SPEN: variants seen among roughly 807,000 people sequenced by gnomAD.
SPEN encodes spen family transcriptional repressor, also known as msx2-interacting protein.
In SPEN, 18 loss-of-function variants were observed where a neutral mutation model predicts 269.9. That is an observed-to-expected ratio of 0.07 (90% CI 0.05 to 0.10). The LOEUF (loss-of-function observed/expected upper bound fraction) is 0.10, where lower values mean the gene tolerates loss of function less well. SPEN is among the 10% of genes least tolerant of loss of function. SPEN has a pLI of 1.00. For missense variants in SPEN, 3,822 were observed against 4,631.2 expected, an observed-to-expected ratio of 0.83 and a Z score of 5.07; for synonymous variants, 1,726 against 1,765.7, an observed-to-expected ratio of 0.98 and a Z score of 0.56.
In SPEN at chr1:15,933,613, C is replaced by T. The variant is rs779468158; in HGVS notation, c.7373C>T (p.Pro2458Leu). ...FRVHSIIESD[P>L]VTPPSDPSIP... Reference sequence around the variant, plus strand: ...GTGCATTCCATCATTGAAAGTGACCCGGTGACCCCACCCAGCGATCCAAGC... The same window carrying T: ...GTGCATTCCATCATTGAAAGTGACCTGGTGACCCCACCCAGCGATCCAAGC... Residue 2458 changes from proline to leucine, a missense_variant, in exon 11 of 15, where the codon CCG becomes CTG. Physicochemically the swap from Pro to Leu is moderately conservative, Grantham distance 98 (BLOSUM62 -3). This residue lies in a region of SPEN where 727 missense variants were observed against 737.9 expected (regional missense o/e 0.99). Coordinates refer to ENST00000375759, the MANE Select transcript of SPEN (RefSeq NM_015001.3). The surrounding 1 kb of genome is among the most constrained non-coding windows in gnomAD (Gnocchi z 5.7). 3.1e-6 allele frequency: 5 copies of T among 1,614,040 alleles called. No individual in the cohort carries two copies. The highest frequency in any genetic ancestry group is 1.3e-5 in the African/African-American group (1 of 74,990).
At chr1:15,885,497 G>C (rs932093357) in intron 3 of SPEN, among the ~76,000 whole-genome samples, 8 of 152,172 alleles carry the variant, frequency 5.3e-5, no homozygotes, top group African/African-American at 1.7e-4. Context: ...ATGGACTCCT[G>C]TAAGAGCCAA....
At chr1:15,894,592 GTGCAGTGATGTGACCCTGGCTCAC>G (rs1366304788) in intron 3 of SPEN, among the ~76,000 whole-genome samples, 1 of 143,958 alleles carries the variant, frequency 6.9e-6, no homozygotes, top group Non-Finnish European at 1.5e-5. Flanking sequence ...CCAGGCTGGA[GTGCAGTGATGTGACCCTGGCTCAC>G]TGCAACCTCC....
intron 2 of SPEN, chr1:15,874,302 C>T: frequency 1.5e-6 from 2 of 1,366,436 alleles, no homozygotes; most frequent in Non-Finnish European, 2.0e-6. Flanking sequence ...GTGGATTACC[C>T]CCATAAGAGG....
At chr1:15,868,430 G>A (rs541064757) in intron 1 of SPEN, among the ~76,000 whole-genome samples, 66 of 149,946 alleles carry the variant, frequency 4.4e-4, no homozygotes, top group African/African-American at 1.6e-3. Context: ...TCTTTAGATA[G>A]AATAAAACTT....
chr1:15,878,529 T>C (rs900197527), intron 3 of SPEN, among the ~76,000 whole-genome samples: 4 of 152,224 alleles, frequency 2.6e-5, no homozygotes, highest in African/African-American at 9.6e-5. Flanking sequence ...TTGATTTTAT[T>C]TGGTGTGCTG....
At chr1:15,903,131 C>T (rs930726398) in intron 3 of SPEN, among the ~76,000 whole-genome samples, 1 of 152,158 alleles carries the variant, frequency 6.6e-6, no homozygotes, top group African/African-American at 2.4e-5. Flanking sequence ...TGGTAAGAGT[C>T]AAATGCTCAT....
At position 15,936,103 on chromosome 1, in the gene SPEN, T is replaced by G; in HGVS notation, c.9863T>G (p.Val3288Gly). 1.2e-6 allele frequency: 2 copies of G among 1,610,152 alleles called. No individual in the cohort carries two copies. The highest frequency in any genetic ancestry group is 8.5e-7 in the Non-Finnish European group (1 of 1,177,350). ...LQGLPLTPPV[V>G]VTHGVQIVHS... is the part of the protein sequence containing the mutation. ...GGGCTGCCTCTGACCCCTCCTGTGG[T>G]GGTGACCCATGGGGTGCAGATTGTG... The change falls in exon 11 of 15, where the codon GTG becomes GGG. Residue 3288 changes from valine (V) to glycine (G), a missense_variant. Physicochemically the swap from Val to Gly is moderately radical, Grantham distance 109. Transcript: ENST00000375759.
intron 10 of SPEN, among the ~76,000 whole-genome samples, chr1:15,927,010 A>G (rs17387101): frequency 0.025 from 3,762 of 152,312 alleles, 78 homozygotes; most frequent in Non-Finnish European, 0.036. Flanking sequence ...GTGTTCTTTC[A>G]GCGAGCTACT....
rs1341917774 is a variant in SPEN at position 15,866,009 on chromosome 1, AT to A, written c.84-6806del. Reference sequence around the variant, plus strand: ...TTGTAATTTTTATGTGGTTTGATTTATGTAGTCTTTTCCTTTATGGTTTAGG... The same window carrying A: ...TTGTAATTTTTATGTGGTTTGATTTAGTAGTCTTTTCCTTTATGGTTTAGG... On this transcript the variant is annotated intron_variant, in intron 1 of 14. Transcript: ENST00000375759. Among the ~76,000 whole-genome samples the A allele has an allele frequency of 2.6e-5, 4 of 151,428 alleles. No individual in the cohort carries two copies. The East Asian group carries it at 7.8e-4, about 29-fold the overall frequency.
In SPEN at chr1:15,930,522, A is replaced by G; in HGVS notation, c.4282A>G (p.Arg1428Gly). ...TGAAAGACTCTCTAGTTCTTTAGAA[A>G]GGAACAAATTTTACTCTTTTGCATT... is the stretch of plus-strand genomic sequence containing the variant. Reference protein sequence around the residue: ...RDERLSSSLERNKFYSFALDK... With the variant: ...RDERLSSSLEGNKFYSFALDK... The change falls in exon 11 of 15, where the codon AGG (arginine) becomes GGG (glycine). Residue 1428 changes from arginine to glycine, a missense_variant. This residue lies in a region of SPEN where 267 missense variants were observed against 315.5 expected (regional missense o/e 0.85). Coordinates refer to ENST00000375759, the MANE Select transcript of SPEN (RefSeq NM_015001.3). The surrounding 1 kb of genome is among the most constrained non-coding windows in gnomAD (Gnocchi z 5.3). 6 of 1,614,178 alleles carry G rather than the reference A, an allele frequency of 3.7e-6. No individual in the cohort carries two copies. The highest frequency in any genetic ancestry group is 5.1e-6 in the Non-Finnish European group (6 of 1,180,042).
chr1:15,848,260 C>A lies in SPEN; in HGVS notation c.83+110C>A. 1.5e-6 allele frequency: 1 copy of A among 655,012 alleles called. No homozygotes were observed. The highest frequency in any genetic ancestry group is 4.4e-5 in the South Asian group (1 of 22,626). 40.6% of individuals were successfully genotyped at this position (655,012 alleles called of 1,614,324 possible). ...GGAGCTGGTGAGGAGGACTCCGGCC[C>A]GGACCCACGGGCGCTGTGGGACCTC... On this transcript the variant is annotated intron_variant, in intron 1 of 14. Transcript: ENST00000375759. This position sits in a 1 kb window ranked among gnomAD's most constrained non-coding sequence, Gnocchi z 5.1.
At chr1:15,938,250 CGCACCACCATG>C (rs1164740602) in intron 13 of SPEN, among the ~76,000 whole-genome samples, 1 of 152,142 alleles carries the variant, frequency 6.6e-6, no homozygotes. Flanking sequence ...ATTATAGGCA[CGCACCACCATG>C]GCACCACCAT....
rs1557757985 is a variant in SPEN at position 15,928,193 on chromosome 1, A to T, written c.1953A>T (p.Pro651=). ...TYPEDSRRDY[P]ARGREFYSEW... Reference sequence around the variant, plus strand: ...CTGAGGATTCCAGGCGGGACTATCCAGCTCGAGGGAGAGAGTTTTATTCAG... The same window carrying T: ...CTGAGGATTCCAGGCGGGACTATCCTGCTCGAGGGAGAGAGTTTTATTCAG... The change falls in exon 11 of 15, where the codon CCA becomes CCT. Residue 651 remains proline (P), a synonymous_variant. Transcript: ENST00000375759. The surrounding 1 kb of genome is among the most constrained non-coding windows in gnomAD (Gnocchi z 5.7). The T allele has an allele frequency of 6.2e-7, 1 of 1,614,124 alleles. No homozygotes were observed. The highest frequency in any genetic ancestry group is 8.5e-7 in the Non-Finnish European group (1 of 1,180,056).
At chr1:15,883,111 T>A (rs2070703112) in intron 3 of SPEN, among the ~76,000 whole-genome samples, 1 of 152,238 alleles carries the variant, frequency 6.6e-6, no homozygotes, top group African/African-American at 2.4e-5. Flanking sequence ...AGCTGATTTT[T>A]AAAAAATGTA....
In SPEN at chr1:15,933,735, A is replaced by G. The variant is rs1180236829; in HGVS notation, c.7495A>G (p.Thr2499Ala). The part of the protein sequence containing the change: ...IPHQSPPTKV[T>A]EWITRQEEPR... ...ACACCAGAGCCCCCCTACTAAGGTGACAGAGTGGATCACAAGGCAGGAGGA... is the reference window on the plus strand; with the variant it reads ...ACACCAGAGCCCCCCTACTAAGGTGGCAGAGTGGATCACAAGGCAGGAGGA... Residue 2499 changes from threonine (T) to alanine (A), a missense_variant, in exon 11 of 15, where the codon ACA (threonine) becomes GCA (alanine). Physicochemically the swap from Thr to Ala is moderately conservative, Grantham distance 58. Around this residue, in one of 16 missense-constraint regions of SPEN, gnomAD observed 727 missense variants for 737.9 expected, o/e 0.99. Coordinates refer to ENST00000375759, the MANE Select transcript of SPEN (RefSeq NM_015001.3). This position sits in a 1 kb window ranked among gnomAD's most constrained non-coding sequence, Gnocchi z 5.7. The G allele has an allele frequency of 6.2e-7, 1 of 1,614,148 alleles. No individual in the cohort carries two copies. The highest frequency in any genetic ancestry group is 8.5e-7 in the Non-Finnish European group (1 of 1,180,026).
rs748701063 is a variant in SPEN at position 15,930,810 on chromosome 1, G to C, written c.4570G>C (p.Glu1524Gln). 6.2e-7 allele frequency: 1 copy of C among 1,614,130 alleles called. No individual in the cohort carries two copies. Among genetic ancestry groups the C allele is most frequent in the Non-Finnish European group, 8.5e-7 (1 of 1,180,034 alleles). ...DHKEEEQERQELFASRFLHSS... is the reference protein window; with the variant it reads ...DHKEEEQERQQLFASRFLHSS... ...TAAAGAAGAAGAGCAAGAGAGGCAG[G>C]AATTGTTTGCTTCTCGTTTTTTACA... Residue 1524 changes from glutamate to glutamine, a missense_variant, in exon 11 of 15, where the codon GAA (glutamate) becomes CAA (glutamine). Physicochemically the swap from Glu to Gln is conservative, Grantham distance 29. Transcript: ENST00000375759. The surrounding 1 kb of genome is among the most constrained non-coding windows in gnomAD (Gnocchi z 5.3).
At chr1:15,878,002 C>T (rs964784901) in intron 3 of SPEN, among the ~76,000 whole-genome samples, 9 of 152,196 alleles carry the variant, frequency 5.9e-5, no homozygotes, top group Admixed American at 2.0e-4. Flanking sequence ...GCCTTGGCCT[C>T]CCAGAGTGTT....
Position 15,928,744 on chromosome 1 carries a change from C to G in SPEN, c.2504C>G (p.Ser835Cys). Residue 835 changes from serine to cysteine, a missense_variant, in exon 11 of 15, where the codon TCT becomes TGT. Coordinates refer to ENST00000375759, the MANE Select transcript of SPEN (RefSeq NM_015001.3). The surrounding 1 kb of genome is among the most constrained non-coding windows in gnomAD (Gnocchi z 5.7). ...KGKVHSPSSQ[S>C]SETDQENERE... ...AAGGTTCACTCCCCTAGTTCTCAGTCTTCAGAAACGGACCAAGAAAATGAG... is the reference window on the plus strand; with the variant it reads ...AAGGTTCACTCCCCTAGTTCTCAGTGTTCAGAAACGGACCAAGAAAATGAG... The G allele has an allele frequency of 6.2e-7, 1 of 1,614,074 alleles. No homozygotes were observed. Among genetic ancestry groups the G allele is most frequent in the South Asian group, 1.1e-5 (1 of 91,082 alleles).
At chr1:15,896,822 G>T (rs1299165418) in intron 3 of SPEN, among the ~76,000 whole-genome samples, 3 of 152,182 alleles carry the variant, frequency 2.0e-5, no homozygotes, top group African/African-American at 7.2e-5. Flanking sequence ...TTAAGTGTTA[G>T]CCTGGTGTGG....
Sources: gnomAD v4.1 joint callset for allele counts (sites outside exome capture counted in the v4.1 genomes callset) on GRCh38, gnomAD v4.1.1 for gene constraint, gnomAD v4.1.1 regional missense constraint, Gnocchi (gnomAD v3.1) non-coding constraint, MANE v1.5 for transcripts, NCBI Gene and HGNC (gene_info 2026-07-23, HGNC 2026-07-21) for gene names.